Variants in WNT6 observed in about 807,000 individuals in gnomAD.
WNT6 encodes protein Wnt-6.
A neutral mutation model predicts 33.1 loss-of-function variants in WNT6; 27 were observed. That is an observed-to-expected ratio of 0.82 (90% CI 0.60 to 1.12). The LOEUF (loss-of-function observed/expected upper bound fraction) is 1.12. Ranked by LOEUF, WNT6 falls within the 50% of genes most tolerant of loss-of-function variation. The pLI is 0.00. For missense variants in WNT6, 494 were observed against 535.3 expected (o/e 0.92, Z 0.76); for synonymous variants, 249 against 242.8 (o/e 1.03, Z -0.24).
rs1931783604 is a variant in WNT6 at position 218,871,364 on chromosome 2, G to A, written c.301+117G>A. 1 of 1,484,366 alleles carries A rather than the reference G, an allele frequency of 6.7e-7. No homozygotes were observed. The highest frequency in any genetic ancestry group is 1.4e-5 in the African/African-American group (1 of 72,088). The allele number at this position is 1,484,366 out of a possible 1,614,324, so 91.9% of individuals were successfully genotyped here. On this transcript the variant is annotated intron_variant, in intron 2 of 3. Transcript: ENST00000233948. This position sits in a 1 kb window ranked among gnomAD's most constrained non-coding sequence, Gnocchi z 6.4. ...CCCACTTCCCCCTCACATGTGTCTG[G>A]GCACCCTGCAAGGACCCTGCCTCCC...
Position 218,871,639 on chromosome 2 carries a change from CG to C in WNT6, c.458del (p.Gly153AspfsTer197). 1 of 1,484,682 alleles carries C rather than the reference CG, an allele frequency of 6.7e-7. No individual in the cohort carries two copies. The highest frequency in any genetic ancestry group is 8.9e-7 in the Non-Finnish European group (1 of 1,121,950). 92.0% of individuals were successfully genotyped at this position (1,484,682 alleles called of 1,614,324 possible). The stretch of plus-strand genomic sequence containing the variant: ...GGCCCTCCGGCCTGCCCGGCACCCC[CG>C]GACCCCCTGGCCCCGCGGGCTCCCC... Reference protein sequence around the residue: ...PRPSGLPGTPGPPGPAGSPEG... With the variant: ...PRPSGLPGTPXPPGPAGSPEG... On this transcript the variant is annotated frameshift_variant, in exon 3 of 4. Transcript: ENST00000233948. LOFTEE classifies it high-confidence loss of function. The surrounding 1 kb of genome is among the most constrained non-coding windows in gnomAD (Gnocchi z 6.4).
In WNT6 at chr2:218,874,097, C is replaced by T; in HGVS notation, c.*252C>T. 2.2e-6 allele frequency: 1 copy of T among 458,634 alleles called. No individual in the cohort carries two copies. The highest frequency in any genetic ancestry group is 3.8e-6 in the Non-Finnish European group (1 of 265,928). The allele number at this position is 458,634 out of a possible 1,614,324, so 28.4% of individuals were successfully genotyped here. On this transcript the variant is annotated 3_prime_UTR_variant, in exon 4 of 4. Transcript: ENST00000233948. ...AGGACACTGTACAGGCCCTCCCTCC[C>T]CTTGGCCTCTAGGAGGAAACAGTTT...
rs1239483344 is a variant in WNT6 at position 218,871,539 on chromosome 2, C to G, written c.356C>G (p.Ala119Gly). 2.5e-6 allele frequency: 4 copies of G among 1,598,628 alleles called. No individual in the cohort carries two copies. In the South Asian group the frequency reaches 4.4e-5, roughly 18 times the overall value. ...ATCACTGCGGCCGGCGCCAGCCACG[C>G]CGTCACGCAGGCCTGTTCTATGGGC... The part of the protein sequence containing the change: ...FAITAAGASH[A>G]VTQACSMGEL... The change falls in exon 3 of 4, where the codon GCC becomes GGC. Residue 119 changes from alanine (A) to glycine (G), a missense_variant. Ala to Gly is a moderately conservative substitution (Grantham distance 60). Transcript: ENST00000233948. The surrounding 1 kb of genome is among the most constrained non-coding windows in gnomAD (Gnocchi z 6.4).
In WNT6 at chr2:218,871,740, T is replaced by G. The variant is rs762741441; in HGVS notation, c.557T>G (p.Phe186Cys). Residue 186 changes from phenylalanine (F) to cysteine (C), a missense_variant, in exon 3 of 4, where the codon TTT becomes TGT. Phe to Cys is a radical substitution (Grantham distance 205, BLOSUM62 -2). Transcript: ENST00000233948. The surrounding 1 kb of genome is among the most constrained non-coding windows in gnomAD (Gnocchi z 6.4). The part of the protein sequence containing the change: ...VDFGDEKSRL[F>C]MDARHKRGRG... ...TTCGGGGACGAGAAGTCGAGGCTCT[T>G]TATGGACGCGCGGCACAAGCGGGGA... is the stretch of plus-strand genomic sequence containing the variant. 6.2e-7 allele frequency: 1 copy of G among 1,600,474 alleles called. No homozygotes were observed. The highest frequency in any genetic ancestry group is 8.5e-7 in the Non-Finnish European group (1 of 1,174,484).
intron 1 of WNT6, among the ~76,000 whole-genome samples, chr2:218,862,590 T>C (rs744092): frequency 0.36 from 55,367 of 152,088 alleles, 14,282 homozygotes; most frequent in African/African-American, 0.73. Flanking sequence ...ACCGTGTTGG[T>C]CAGGCTGGTC....
At chr2:218,861,845 T>C (rs557024684) in intron 1 of WNT6, among the ~76,000 whole-genome samples, 1 of 152,276 alleles carries the variant, frequency 6.6e-6, no homozygotes, top group South Asian at 2.1e-4. Context: ...ATCACATACA[T>C]TGGGCAACTA....
In WNT6 at chr2:218,871,429, C is replaced by G; in HGVS notation, c.302-56C>G. 6.4e-7 allele frequency: 1 copy of G among 1,570,042 alleles called. No homozygotes were observed. The highest frequency in any genetic ancestry group is 2.2e-5 in the East Asian group (1 of 44,514). On this transcript the variant is annotated intron_variant, in intron 2 of 3. Coordinates refer to ENST00000233948, the MANE Select transcript of WNT6 (RefSeq NM_006522.4). This position sits in a 1 kb window ranked among gnomAD's most constrained non-coding sequence, Gnocchi z 6.4. ...GCCCTCCCGCCGCAGGTTTCAGGTCCCAGGCCCCAGCTGACCGCCCCAGCC... is the reference window on the plus strand; with the variant it reads ...GCCCTCCCGCCGCAGGTTTCAGGTCGCAGGCCCCAGCTGACCGCCCCAGCC...
At position 218,873,392 on chromosome 2, in the gene WNT6, G is replaced by A. The variant is rs914481272; in HGVS notation, c.645G>A (p.Arg215=). ...HNNEAGRLAV[R]SHTRTECKCH... The stretch of plus-strand genomic sequence containing the variant: ...CCCTCTGCCTCCCGCAGGCCGTGCG[G>A]AGCCACACGCGCACCGAGTGCAAAT... The change falls in exon 4 of 4, where the codon CGG becomes CGA. Residue 215 remains arginine (R), a synonymous_variant. Coordinates refer to ENST00000233948, the MANE Select transcript of WNT6 (RefSeq NM_006522.4). The surrounding 1 kb of genome is among the most constrained non-coding windows in gnomAD (Gnocchi z 6.1). 6.5e-7 allele frequency: 1 copy of A among 1,535,284 alleles called. No individual in the cohort carries two copies. Among genetic ancestry groups the A allele is most frequent in the Non-Finnish European group, 8.7e-7 (1 of 1,145,868 alleles).
At chr2:218,865,302 C>G (rs1408022788) in intron 1 of WNT6, among the ~76,000 whole-genome samples, 1 of 152,186 alleles carries the variant, frequency 6.6e-6, no homozygotes, top group Non-Finnish European at 1.5e-5. Context: ...GAAAGCACCC[C>G]CAGCCTGCAC....
intron 1 of WNT6, among the ~76,000 whole-genome samples, chr2:218,869,000 G>A (rs1196430692): frequency 6.6e-6 from 1 of 152,182 alleles, no homozygotes; most frequent in East Asian, 1.9e-4. Flanking sequence ...TGGATCAATA[G>A]AGACCGATCA....
Position 218,872,130 on chromosome 2 carries a change from G to A in WNT6, c.636+311G>A, listed in dbSNP as rs544501480. 5.3e-5 allele frequency among the ~76,000 whole-genome samples: 8 copies of A among 152,242 alleles called. No individual in the cohort carries two copies. In the East Asian group the frequency reaches 1.2e-3, roughly 22 times the overall value. On this transcript the variant is annotated intron_variant, in intron 3 of 3. Coordinates refer to ENST00000233948, the MANE Select transcript of WNT6 (RefSeq NM_006522.4). ...GTCTTTAGTGACCCCAGGCAGAGAG[G>A]GCACAGCTTCAAGACAGGACAGGTG...
Position 218,873,853 on chromosome 2 carries a change from C to A in WNT6, c.*8C>A. 1 of 1,462,098 alleles carries A rather than the reference C, an allele frequency of 6.8e-7. No homozygotes were observed. Among genetic ancestry groups the A allele is most frequent in the East Asian group, 2.7e-5 (1 of 37,230 alleles). The allele number at this position is 1,462,098 out of a possible 1,614,324, so 90.6% of individuals were successfully genotyped here. On this transcript the variant is annotated 3_prime_UTR_variant, in exon 4 of 4. Coordinates refer to ENST00000233948, the MANE Select transcript of WNT6 (RefSeq NM_006522.4). The surrounding 1 kb of genome is among the most constrained non-coding windows in gnomAD (Gnocchi z 6.1). ...CTCAGCCTCTGCCTGTGACCCGCCG[C>A]CCGGCCGCTAGACTGACTTCGCGCA...
chr2:218,873,532 G>T lies in WNT6; in HGVS notation c.785G>T (p.Gly262Val). ...TTCCACGGCGCCTCACGCGTCATGG[G>T]CACCAACGACGGCAAGGCCCTGCTG... Reference protein sequence around the residue: ...ERFHGASRVMGTNDGKALLPA... With the variant: ...ERFHGASRVMVTNDGKALLPA... The change falls in exon 4 of 4, where the codon GGC (glycine) becomes GTC (valine). Residue 262 changes from glycine to valine, a missense_variant. By Grantham distance (109) the Gly-to-Val change is moderately radical. Coordinates refer to ENST00000233948, the MANE Select transcript of WNT6 (RefSeq NM_006522.4). The surrounding 1 kb of genome is among the most constrained non-coding windows in gnomAD (Gnocchi z 6.1). 1 of 1,538,038 alleles carries T rather than the reference G, an allele frequency of 6.5e-7. No individual in the cohort carries two copies.
chr2:218,868,982 T>G (rs193030703), intron 1 of WNT6, among the ~76,000 whole-genome samples: 14 of 152,274 alleles, frequency 9.2e-5, no homozygotes, highest in Non-Finnish European at 2.9e-5. Context: ...GAGGGACAGA[T>G]AGATTGATGG....
rs1194910294 is a variant in WNT6, at chr2:218,871,272, T to G, written c.301+25T>G. The stretch of plus-strand genomic sequence containing the variant: ...GGTCAGTGTGGGGAGGGGGCGGAAG[T>G]GGGGCTGCTTTCTCCCTGCTGTGGG... On this transcript the variant is annotated intron_variant, in intron 2 of 3. Coordinates refer to ENST00000233948, the MANE Select transcript of WNT6 (RefSeq NM_006522.4). This position sits in a 1 kb window ranked among gnomAD's most constrained non-coding sequence, Gnocchi z 6.4. 6.3e-7 allele frequency: 1 copy of G among 1,587,376 alleles called. No homozygotes were observed. Among genetic ancestry groups the G allele is most frequent in the East Asian group, 2.3e-5 (1 of 44,368 alleles).
chr2:218,870,907 G>A, intron 1 of WNT6, 120 bp from the exon 2 acceptor site: 1 of 882,430 alleles, frequency 1.1e-6, no homozygotes, highest in Non-Finnish European at 1.8e-6. Context: ...TCAGTTTGGA[G>A]GTAGGGTGGG....
intron 3 of WNT6, among the ~76,000 whole-genome samples, 185 bp downstream of exon 3, chr2:218,872,004 C>T (rs1452772932): frequency 6.6e-6 from 1 of 151,716 alleles, no homozygotes; most frequent in Non-Finnish European, 1.5e-5. Flanking sequence ...GAGAGGTGTC[C>T]AGCCTCCAAG....
Position 218,873,895 on chromosome 2 carries a change from G to C in WNT6, c.*50G>C. 7.2e-7 allele frequency: 1 copy of C among 1,397,822 alleles called. No homozygotes were observed. Among genetic ancestry groups the C allele is most frequent in the South Asian group, 1.6e-5 (1 of 63,528 alleles). The allele number at this position is 1,397,822 out of a possible 1,614,324, so 86.6% of individuals were successfully genotyped here. A position where few individuals can be genotyped will look rare whatever the true frequency, so the allele number is the denominator to read the frequency against. On this transcript the variant is annotated 3_prime_UTR_variant, in exon 4 of 4. Coordinates refer to ENST00000233948, the MANE Select transcript of WNT6 (RefSeq NM_006522.4). This position sits in a 1 kb window ranked among gnomAD's most constrained non-coding sequence, Gnocchi z 6.1. ...CTTCGCGCAGCGGTGGCTCGCACCT[G>C]TGGGACCTCAGGGCACCGGCACCGG...
Position 218,860,067 on chromosome 2 carries a change from G to A in WNT6, c.30G>A (p.Gly10=). The change falls in exon 1 of 4, where the codon GGG becomes GGA. Residue 10 remains glycine (G), a synonymous_variant. Coordinates refer to ENST00000233948, the MANE Select transcript of WNT6 (RefSeq NM_006522.4). ...TGCCGCCCTTACCCTCCCGCCTCGG[G>A]CTGCTGCTGCTGCTGCTCCTGTGCC... is the stretch of plus-strand genomic sequence containing the variant. The part of the protein sequence containing the change: MLPPLPSRL[G]LLLLLLLCPA... The A allele has an allele frequency of 6.7e-7, 1 of 1,488,868 alleles. No homozygotes were observed. Among genetic ancestry groups the A allele is most frequent in the Non-Finnish European group, 8.9e-7 (1 of 1,120,426 alleles). 92.2% of individuals were successfully genotyped at this position (1,488,868 alleles called of 1,614,324 possible).
Sources: allele counts gnomAD v4.1 joint callset (sites outside exome capture counted in the v4.1 genomes callset), GRCh38; gene constraint gnomAD v4.1.1; non-coding constraint Gnocchi (gnomAD v3.1); transcripts MANE v1.5; gene names NCBI Gene and HGNC (gene_info 2026-07-23, HGNC 2026-07-21).